DLG2: variants seen among roughly 807,000 people sequenced by gnomAD.
The protein encoded by DLG2 is disks large homolog 2.
In DLG2, 45 loss-of-function variants were observed where a neutral mutation model predicts 132.5. That is an observed-to-expected ratio of 0.34 (90% confidence interval 0.27 to 0.44). DLG2 has a LOEUF of 0.44. DLG2 is among the 20% of genes least tolerant of loss of function. The pLI, the probability that DLG2 is intolerant of heterozygous loss-of-function variation, is 1.00. For synonymous variants in DLG2, 424 were observed against 419.6 expected, an observed-to-expected ratio of 1.01 and a Z score of -0.13; for missense variants, 1,045 against 1,196.9, an observed-to-expected ratio of 0.87 and a Z score of 1.87.
chr11:84,731,079 G>A (rs79973120), intron 6 of DLG2, among the ~76,000 whole-genome samples: 3 of 151,994 alleles, frequency 2.0e-5, no homozygotes, highest in Admixed American at 2.0e-4. Context: ...GGTACAGTGT[G>A]TGAGTTAGTT....
At chr11:85,543,307 G>A (rs1432720926) in intron 3 of DLG2, among the ~76,000 whole-genome samples, 1 of 152,158 alleles carries the variant, frequency 6.6e-6, no homozygotes, top group Admixed American at 6.5e-5. Context: ...CCCTGCAAAG[G>A]ATATTAATTC....
At chr11:84,319,946 T>G (rs993203835) in intron 7 of DLG2, among the ~76,000 whole-genome samples, 1 of 152,224 alleles carries the variant, frequency 6.6e-6, no homozygotes, top group Non-Finnish European at 1.5e-5. Context: ...ACATGACATT[T>G]GGCTTTCTGA....
chr11:84,562,560 A>T (rs763551996), intron 6 of DLG2, among the ~76,000 whole-genome samples: 1 of 152,176 alleles, frequency 6.6e-6, no homozygotes, highest in Admixed American at 6.6e-5. Flanking sequence ...ATAACAGTCT[A>T]TGAGATCTAT....
At chr11:85,414,211 G>C (rs182930865) in intron 3 of DLG2, among the ~76,000 whole-genome samples, 176 of 152,124 alleles carry the variant, frequency 1.2e-3, no homozygotes, top group African/African-American at 4.1e-3. Context: ...GTCGTTGTTG[G>C]TGTATAAAAG....
chr11:85,365,106 A>G (rs1318900495), intron 3 of DLG2, among the ~76,000 whole-genome samples: 2 of 152,172 alleles, frequency 1.3e-5, no homozygotes, highest in Non-Finnish European at 2.9e-5. Flanking sequence ...TTATTTAGTC[A>G]CAAGAATTGT....
intron 3 of DLG2, among the ~76,000 whole-genome samples, chr11:85,312,858 T>C (rs1427143013): frequency 6.6e-6 from 1 of 151,958 alleles, no homozygotes; most frequent in Non-Finnish European, 1.5e-5. Flanking sequence ...AAGAAAAACA[T>C]TTAGAAAAAT....
intron 7 of DLG2, among the ~76,000 whole-genome samples, chr11:84,342,485 C>G (rs554858670): frequency 6.6e-6 from 1 of 152,134 alleles, no homozygotes; most frequent in East Asian, 1.9e-4. Context: ...GTGGAGAGTA[C>G]AGTAAATACC....
chr11:84,449,242 A>G (rs2099044352), intron 7 of DLG2, among the ~76,000 whole-genome samples: 1 of 151,944 alleles, frequency 6.6e-6, no homozygotes, highest in Non-Finnish European at 1.5e-5. Flanking sequence ...ATACAGTAAT[A>G]AATAAAATCC....
At chr11:85,016,421 C>T (rs1045794927) in intron 6 of DLG2, among the ~76,000 whole-genome samples, 4 of 152,148 alleles carry the variant, frequency 2.6e-5, no homozygotes, top group Middle Eastern at 3.4e-3. Flanking sequence ...TTTACTGGTC[C>T]TTTATCATCT....
chr11:84,105,721 A>G (rs2092859268), intron 9 of DLG2, among the ~76,000 whole-genome samples: 1 of 152,114 alleles, frequency 6.6e-6, no homozygotes, highest in Non-Finnish European at 1.5e-5. Context: ...GACTCAAATA[A>G]TGTTCTTTTA....
intron 19 of DLG2, among the ~76,000 whole-genome samples, chr11:83,595,383 T>C (rs768655134): frequency 6.6e-6 from 1 of 152,270 alleles, no homozygotes; most frequent in Non-Finnish European, 1.5e-5. Context: ...AAACTGTTGA[T>C]AACTTACTGT....
chr11:85,511,915 CAG>C (rs1397289601), intron 3 of DLG2, among the ~76,000 whole-genome samples: 1 of 151,788 alleles, frequency 6.6e-6, no homozygotes, highest in East Asian at 1.9e-4. Flanking sequence ...TTGTTTTTTG[CAG>C]AGACGGGGTC....
chr11:85,059,550 A>G (rs2063814289), intron 6 of DLG2, among the ~76,000 whole-genome samples: 1 of 151,484 alleles, frequency 6.6e-6, no homozygotes. Flanking sequence ...TATTCGTACA[A>G]TGGATCACCA....
At chr11:85,204,217 A>T (rs2152558120) in intron 4 of DLG2, among the ~76,000 whole-genome samples, 1 of 152,286 alleles carries the variant, frequency 6.6e-6, no homozygotes, top group Middle Eastern at 3.4e-3. Context: ...AATAAAGAGC[A>T]TCCAAAATGG....
chr11:83,481,437 T>A (rs932613608), intron 22 of DLG2, among the ~76,000 whole-genome samples: 116 of 152,236 alleles, frequency 7.6e-4, no homozygotes, highest in African/African-American at 2.5e-3. Flanking sequence ...ATCAGTTTTT[T>A]AAAAAGTGAC....
chr11:85,333,888 G>GT (rs371521327), intron 3 of DLG2, among the ~76,000 whole-genome samples: 5,503 of 144,540 alleles, frequency 0.038, 128 homozygotes, highest in Middle Eastern at 0.083. Flanking sequence ...CCTGAAGTTG[G>GT]TTTTTTTTTT....
intron 6 of DLG2, among the ~76,000 whole-genome samples, chr11:84,970,804 A>C (rs1321054652): frequency 6.6e-6 from 1 of 152,190 alleles, no homozygotes; most frequent in Non-Finnish European, 1.5e-5. Flanking sequence ...GCTTTAAGAA[A>C]AATATCCTAT....
intron 9 of DLG2, among the ~76,000 whole-genome samples, chr11:84,119,679 C>A (rs534961483): frequency 1.6e-4 from 24 of 152,136 alleles, no homozygotes; most frequent in Non-Finnish European, 3.1e-4. Flanking sequence ...CAAACAAGCA[C>A]ATGTATCAAG....
At chr11:83,577,976 TATAA>T (rs1565884682) in intron 19 of DLG2, among the ~76,000 whole-genome samples, 1 of 137,324 alleles carries the variant, frequency 7.3e-6, no homozygotes, top group African/African-American at 2.7e-5. Flanking sequence ...TATATAAATA[TATAA>T]ATAAATATAT....
Sources: gnomAD v4.1 joint callset for allele counts (sites outside exome capture counted in the v4.1 genomes callset) on GRCh38, gnomAD v4.1.1 for gene constraint, MANE v1.5 for transcripts, NCBI Gene and HGNC (gene_info 2026-07-23, HGNC 2026-07-21) for gene names.